Variants in FAM184A observed in about 807,000 individuals in gnomAD.
FAM184A encodes the protein family with sequence similarity 184 member A.
Under a neutral mutation model 143.8 loss-of-function variants are expected in FAM184A, and 99 were observed. The observed-to-expected ratio is 0.69, with a 90% CI of 0.58 to 0.81. The LOEUF is 0.81. Ranked by LOEUF, FAM184A falls within the 40% of genes least tolerant of loss-of-function variation. FAM184A has a pLI of 0.00. For synonymous variants in FAM184A, 427 were observed against 446.4 expected (o/e 0.96, Z 0.55); for missense variants, 1,217 against 1,310.5 (o/e 0.93, Z 1.10).
chr6:118,963,760 C>CT (rs1562452548), intron 16 of FAM184A: 3 of 151,124 alleles, frequency 2.0e-5, no homozygotes, highest in African/African-American at 7.3e-5. Flanking sequence ...CCTATGAAGC[C>CT]AATATATATA....
intron 1 of FAM184A, among the ~76,000 whole-genome samples, chr6:119,117,864 G>A (rs1582631380): frequency 1.3e-5 from 2 of 152,266 alleles, no homozygotes; most frequent in East Asian, 1.9e-4. Context: ...AGCCAGCCAA[G>A]GGTTGAGAGA....
At position 119,024,722 on chromosome 6, in the gene FAM184A, A is replaced by C; in HGVS notation, c.251T>G (p.Leu84Arg). The C allele has an allele frequency of 6.2e-7, 1 of 1,613,838 alleles. No individual in the cohort carries two copies. Among genetic ancestry groups the C allele is most frequent in the Non-Finnish European group, 8.5e-7 (1 of 1,179,990 alleles). ...CAATATTTTTTCTCTTGTTTCAGCA[A>C]GAATTTGTTGAATTTCTTCTTCATG... ...DAHEEEIQQI[L>R]AETREKILQY... is the part of the protein sequence containing the mutation. Residue 84 changes from leucine (L) to arginine (R), a missense_variant, in exon 2 of 18, where the codon CTT becomes CGT. Transcript: ENST00000338891.
rs1238300854 is a variant in FAM184A, at chr6:118,979,469, A to G, written c.2351T>C (p.Leu784Pro). The G allele has an allele frequency of 6.2e-7, 1 of 1,613,608 alleles. No homozygotes were observed. The highest frequency in any genetic ancestry group is 8.5e-7 in the Non-Finnish European group (1 of 1,179,826). The change falls in exon 11 of 18, where the codon CTA becomes CCA. Residue 784 changes from leucine to proline, a missense_variant. Coordinates refer to ENST00000338891, the MANE Select transcript of FAM184A (RefSeq NM_024581.6). The part of the protein sequence containing the change: ...QQKHSAELQS[L>P]KDAHRESMEG... ...CATTGACTCTCTGTGTGCATCTTTT[A>G]GTGATTGAAGCTCTGCAGAATGCTT...
rs374196769 is a variant in FAM184A at position 119,016,771 on chromosome 6, A to G, written c.1506T>C (p.Ile502=). 6.2e-7 allele frequency: 1 copy of G among 1,613,760 alleles called. No homozygotes were observed. The highest frequency in any genetic ancestry group is 1.3e-5 in the African/African-American group (1 of 74,884). The change falls in exon 5 of 18, where the codon ATT becomes ATC. Residue 502 remains isoleucine (I), a synonymous_variant. Transcript: ENST00000338891. ...MAIEAVHSNA[I]RDKKKLQMDL... is the part of the protein sequence containing the mutation. Reference sequence around the variant, plus strand: ...CCATTTGCAGTTTTTTCTTATCCCTAATTGCATTACTGTGGACAGCTTCAA... The same window carrying G: ...CCATTTGCAGTTTTTTCTTATCCCTGATTGCATTACTGTGGACAGCTTCAA...
chr6:119,109,684 A>T (rs1450684581), intron 1 of FAM184A, among the ~76,000 whole-genome samples: 1 of 151,952 alleles, frequency 6.6e-6, no homozygotes, highest in Non-Finnish European at 1.5e-5. Context: ...ATGAACAGAG[A>T]CTCCCACATT....
chr6:119,104,598 G>A (rs575298798), intron 1 of FAM184A, among the ~76,000 whole-genome samples: 9 of 152,278 alleles, frequency 5.9e-5, no homozygotes, highest in African/African-American at 2.2e-4. Flanking sequence ...TCTTAAGTGT[G>A]TAAAGTGTCA....
At chr6:118,982,609 G>A (rs1784056040) in intron 9 of FAM184A, among the ~76,000 whole-genome samples, 1 of 152,246 alleles carries the variant, frequency 6.6e-6, no homozygotes, top group Non-Finnish European at 1.5e-5. Context: ...TAGGCTAGCA[G>A]TGGCCCTGGA....
intron 17 of FAM184A, chr6:118,960,961 T>C (rs1783303947): frequency 1.9e-6 from 1 of 515,154 alleles, no homozygotes; most frequent in Admixed American, 4.1e-5. Flanking sequence ...TCTTGCTATT[T>C]TTTTTGTTAA....
chr6:119,093,686 A>G (rs1399082635), intron 1 of FAM184A, among the ~76,000 whole-genome samples: 1 of 152,138 alleles, frequency 6.6e-6, no homozygotes, highest in East Asian at 1.9e-4. Context: ...GAAGGTTTTC[A>G]TCCTCTTCAG....
intron 9 of FAM184A, among the ~76,000 whole-genome samples, chr6:118,982,067 C>T (rs1449578167): frequency 2.6e-5 from 4 of 152,002 alleles, no homozygotes; most frequent in African/African-American, 7.3e-5. Context: ...ATGTGATATG[C>T]GCATAAGAAT....
intron 1 of FAM184A, among the ~76,000 whole-genome samples, chr6:119,106,686 T>G (rs149282256): frequency 1.4e-4 from 21 of 152,372 alleles, no homozygotes; most frequent in African/African-American, 5.0e-4. Context: ...GGTAAATTAC[T>G]TAATCTTTTT....
chr6:119,063,376 T>G (rs778645014), intron 1 of FAM184A, among the ~76,000 whole-genome samples: 1 of 152,230 alleles, frequency 6.6e-6, no homozygotes, highest in African/African-American at 2.4e-5. Flanking sequence ...ATTAGCCACA[T>G]GACTGCAGAA....
intron 1 of FAM184A, among the ~76,000 whole-genome samples, chr6:119,063,079 T>C (rs1255016555): frequency 6.6e-6 from 1 of 151,998 alleles, no homozygotes; most frequent in African/African-American, 2.4e-5. Flanking sequence ...CCCAAAAAGG[T>C]GAAACCCCCC....
At chr6:119,111,459 A>G (rs576899620) in intron 1 of FAM184A, among the ~76,000 whole-genome samples, 3 of 152,326 alleles carry the variant, frequency 2.0e-5, no homozygotes, top group Admixed American at 2.0e-4. Context: ...TTGCACAAAA[A>G]TGTGAATGTT....
rs757130215 is a variant in FAM184A, at chr6:118,975,207, C to T, written c.2585G>A (p.Ser862Asn). 7 of 1,521,618 alleles carry T rather than the reference C, an allele frequency of 4.6e-6. No individual in the cohort carries two copies. The South Asian group carries it at 5.1e-5, about 11-fold the overall frequency. 94.3% of individuals were successfully genotyped at this position (1,521,618 alleles called of 1,614,324 possible). The change falls in exon 13 of 18, where the codon AGT becomes AAT. Residue 862 changes from serine to asparagine, a missense_variant and splice_region_variant. Coordinates refer to ENST00000338891, the MANE Select transcript of FAM184A (RefSeq NM_024581.6). Reference protein sequence around the residue: ...ERSIDISRRQSKEHICRITDL... With the variant: ...ERSIDISRRQNKEHICRITDL... ...TGTAATTCTACATATGTGCTCCTTACTCTGTTAAAAAAAAAAAGTCATTTT... is the reference window on the plus strand; with the variant it reads ...TGTAATTCTACATATGTGCTCCTTATTCTGTTAAAAAAAAAAAGTCATTTT...
At chr6:119,147,443 C>T (rs770261503) in intron 1 of FAM184A, among the ~76,000 whole-genome samples, 37 of 152,250 alleles carry the variant, frequency 2.4e-4, no homozygotes, top group Non-Finnish European at 4.9e-4. Flanking sequence ...GGGCTCCCAA[C>T]CCCCACCACC....
chr6:119,046,376 A>T (rs1786534756), intron 1 of FAM184A, among the ~76,000 whole-genome samples: 1 of 152,002 alleles, frequency 6.6e-6, no homozygotes, highest in Non-Finnish European at 1.5e-5. Flanking sequence ...AGACAAGCGC[A>T]ACCACACCCA....
intron 6 of FAM184A, among the ~76,000 whole-genome samples, chr6:119,010,058 C>T (rs1197463212): frequency 1.3e-5 from 2 of 152,120 alleles, no homozygotes; most frequent in African/African-American, 2.4e-5. Flanking sequence ...AGGCAATACC[C>T]CTCAGTGTGG....
At chr6:119,133,013 A>ATTT (rs1789576728) in intron 1 of FAM184A, among the ~76,000 whole-genome samples, 3 of 152,240 alleles carry the variant, frequency 2.0e-5, no homozygotes, top group Non-Finnish European at 4.4e-5. Context: ...TACTGGTTTG[A>ATTT]GGCTTCTCAC....
Sources: gnomAD v4.1 joint callset for allele counts (sites outside exome capture counted in the v4.1 genomes callset) on GRCh38, gnomAD v4.1.1 for gene constraint, MANE v1.5 for transcripts, NCBI Gene and HGNC (gene_info 2026-07-23, HGNC 2026-07-21) for gene names.